The following MAGI3 variants were observed in gnomAD, a reference collection of about 807,000 sequenced individuals.
MAGI3 encodes membrane associated guanylate kinase, WW and PDZ domain containing 3, also known as membrane-associated guanylate kinase, WW and PDZ domain-containing protein 3.
In MAGI3, 43 loss-of-function variants were observed where a neutral mutation model predicts 121.8. The observed-to-expected ratio is 0.35, with a 90% CI of 0.28 to 0.46. The LOEUF (loss-of-function observed/expected upper bound fraction) is 0.46. Among genes scored for constraint, MAGI3 ranks in the 20% least tolerant of loss-of-function variants. MAGI3 has a pLI of 1.00. For synonymous variants in MAGI3, 553 were observed against 639.3 expected, an observed-to-expected ratio of 0.86 and a Z score of 2.04; for missense variants, 1,547 against 1,797.3, an observed-to-expected ratio of 0.86 and a Z score of 2.52.
At chr1:113,611,934 A>AACTTATTTATTTATTTATTT (rs1650167557) in intron 6 of MAGI3, among the ~76,000 whole-genome samples, 1 of 60,762 alleles carries the variant, frequency 1.6e-5, no homozygotes, top group Non-Finnish European at 3.8e-5. Flanking sequence ...CCCTAATCCC[A>AACTTATTTATTTATTTATTT]ACTTATTTAT....
At chr1:113,621,739 TATTTA>T in intron 8 of MAGI3, among the ~76,000 whole-genome samples, 1 of 150,548 alleles carries the variant, frequency 6.6e-6, no homozygotes, top group East Asian at 1.9e-4. Context: ...AGTAAGTACA[TATTTA>T]ATTTAATATT....
intron 6 of MAGI3, among the ~76,000 whole-genome samples, chr1:113,605,994 C>G (rs752560434): frequency 4.6e-5 from 7 of 151,554 alleles, no homozygotes; most frequent in Non-Finnish European, 1.0e-4. Context: ...GAGACAGAGT[C>G]TCTCTCTGTC....
intron 1 of MAGI3, among the ~76,000 whole-genome samples, chr1:113,393,452 A>T (rs1413554136): frequency 6.6e-6 from 1 of 152,214 alleles, no homozygotes; most frequent in Non-Finnish European, 1.5e-5. Context: ...TGAGATTAAT[A>T]TTGTTTCTAA....
chr1:113,606,338 A>G (rs1340584376), intron 6 of MAGI3, among the ~76,000 whole-genome samples: 1 of 152,176 alleles, frequency 6.6e-6, no homozygotes, highest in Non-Finnish European at 1.5e-5. Flanking sequence ...GTTCCTTCTT[A>G]TGGTGAAATC....
chr1:113,407,698 C>G (rs1033939737), intron 1 of MAGI3, among the ~76,000 whole-genome samples: 4 of 151,716 alleles, frequency 2.6e-5, no homozygotes, highest in Non-Finnish European at 5.9e-5. Flanking sequence ...TGCTCAAGGT[C>G]GTATAGCTAG....
intron 2 of MAGI3, among the ~76,000 whole-genome samples, chr1:113,570,133 C>T (rs1032527444): frequency 6.6e-6 from 1 of 152,094 alleles, no homozygotes; most frequent in South Asian, 2.1e-4. Flanking sequence ...TGAGTGAGAA[C>T]ATGTGGTGTT....
chr1:113,543,025 G>A (rs1247755632), intron 1 of MAGI3, among the ~76,000 whole-genome samples: 2 of 151,700 alleles, frequency 1.3e-5, no homozygotes, highest in Non-Finnish European at 2.9e-5. Context: ...AAAACATATA[G>A]CATATACTAT....
At chr1:113,444,117 C>T (rs943220665) in intron 1 of MAGI3, among the ~76,000 whole-genome samples, 5 of 152,256 alleles carry the variant, frequency 3.3e-5, no homozygotes, top group Non-Finnish European at 7.3e-5. Context: ...CAGCTCTTCG[C>T]ATGGTAGCAG....
At chr1:113,441,505 A>G (rs1036851548) in intron 1 of MAGI3, among the ~76,000 whole-genome samples, 7 of 152,214 alleles carry the variant, frequency 4.6e-5, no homozygotes, top group African/African-American at 1.7e-4. Context: ...CTCTAGTTCA[A>G]CTACATTTTG....
intron 1 of MAGI3, among the ~76,000 whole-genome samples, chr1:113,479,489 C>T (rs1656011944): frequency 6.6e-6 from 1 of 152,124 alleles, no homozygotes; most frequent in East Asian, 1.9e-4. Context: ...AAATCGTTCC[C>T]TTGTATGTGA....
chr1:113,491,060 A>G (rs77626000), intron 1 of MAGI3, among the ~76,000 whole-genome samples: 9,857 of 152,268 alleles, frequency 0.065, 352 homozygotes, highest in Non-Finnish European at 0.076. Context: ...CTCCACCCCA[A>G]AAAAACAGAA....
intron 13 of MAGI3, 44 bp downstream of exon 13, chr1:113,649,372 G>C: frequency 2.9e-6 from 4 of 1,380,930 alleles, no homozygotes; most frequent in Non-Finnish European, 4.0e-6. Context: ...CTGTTCAAAC[G>C]TTTTGAGTGG....
chr1:113,609,191 T>C (rs1242387516), intron 6 of MAGI3, among the ~76,000 whole-genome samples: 6 of 152,244 alleles, frequency 3.9e-5, no homozygotes, highest in Non-Finnish European at 8.8e-5. Flanking sequence ...AAGACTATTT[T>C]CAGGATGAAC....
chr1:113,473,226 G>A (rs1430435794), intron 1 of MAGI3, among the ~76,000 whole-genome samples: 1 of 151,642 alleles, frequency 6.6e-6, no homozygotes, highest in African/African-American at 2.4e-5. Context: ...TAGTATTCTT[G>A]GTTGACACAT....
At chr1:113,580,239 T>C (rs1194029220) in intron 2 of MAGI3, among the ~76,000 whole-genome samples, 1 of 152,136 alleles carries the variant, frequency 6.6e-6, no homozygotes, top group Non-Finnish European at 1.5e-5. Flanking sequence ...ATAAAAAATA[T>C]TATTTTTTGT....
chr1:113,472,121 A>C (rs193121893), intron 1 of MAGI3, among the ~76,000 whole-genome samples: 4 of 151,908 alleles, frequency 2.6e-5, no homozygotes, highest in African/African-American at 7.2e-5. Flanking sequence ...TTTGCTTGGA[A>C]TATCTTTTCC....
At chr1:113,479,275 A>G (rs1039436731) in intron 1 of MAGI3, among the ~76,000 whole-genome samples, 4 of 152,226 alleles carry the variant, frequency 2.6e-5, no homozygotes, top group Middle Eastern at 3.4e-3. Flanking sequence ...ACCAGTCCCA[A>G]TGGGATGAAC....
In MAGI3 at chr1:113,683,002, T is replaced by C; in HGVS notation, c.3434T>C (p.Val1145Ala). ...GCTTCCATATTTGAAGAGTCTCACG[T>C]GCCAGTAATTGAAGAATCTTTGAGA... The part of the protein sequence containing the change: ...HFASIFEESH[V>A]PVIEESLRVQ... The change falls in exon 21 of 21, where the codon GTG becomes GCG. Residue 1145 changes from valine (V) to alanine (A), a missense_variant. Physicochemically the swap from Val to Ala is moderately conservative, Grantham distance 64. Coordinates refer to ENST00000307546, the MANE Select transcript of MAGI3 (RefSeq NM_001142782.2). 1 of 1,613,956 alleles carries C rather than the reference T, an allele frequency of 6.2e-7. No homozygotes were observed. Among genetic ancestry groups the C allele is most frequent in the Non-Finnish European group, 8.5e-7 (1 of 1,179,886 alleles).
At chr1:113,622,655 T>C in intron 8 of MAGI3, 151 bp from the exon 9 acceptor site, 2 of 609,740 alleles carry the variant, frequency 3.3e-6, no homozygotes, top group South Asian at 2.6e-5. Context: ...CTTCATATAA[T>C]GGACTCTGGG....
Sources: allele counts gnomAD v4.1 joint callset (sites outside exome capture counted in the v4.1 genomes callset), GRCh38; gene constraint gnomAD v4.1.1; transcripts MANE v1.5; gene names NCBI Gene and HGNC (gene_info 2026-07-23, HGNC 2026-07-21).